GRB10: variants seen among roughly 807,000 people sequenced by gnomAD.
GRB10 encodes growth factor receptor-bound protein 10.
In GRB10, 20 loss-of-function variants were observed where a neutral mutation model predicts 80.9. The ratio of observed to expected loss-of-function variants is 0.25; its 90% CI spans 0.17 to 0.36. The LOEUF is 0.36. Among genes scored for constraint, GRB10 ranks in the 10% least tolerant of loss-of-function variants. GRB10 has a pLI of 1.00. For missense variants in GRB10, 548 were observed against 747.7 expected, an observed-to-expected ratio of 0.73 and a Z score of 3.12; for synonymous variants, 291 against 291.5, an observed-to-expected ratio of 1.00 and a Z score of 0.02.
intron 2 of GRB10, among the ~76,000 whole-genome samples, chr7:50,760,624 CT>C (rs1200527166): frequency 1.3e-5 from 2 of 152,044 alleles, no homozygotes; most frequent in Non-Finnish European, 2.9e-5. Context: ...AAAATGCACC[CT>C]AAAGCAAAAG....
intron 7 of GRB10, chr7:50,645,582 G>A: frequency 4.1e-6 from 4 of 983,812 alleles, no homozygotes; most frequent in Non-Finnish European, 3.6e-6. Flanking sequence ...ACCTGAAACT[G>A]ACTGTGCACA....
At chr7:50,616,408 T>A in intron 10 of GRB10, 61 bp from the exon 11 acceptor site, 3 of 1,476,958 alleles carry the variant, frequency 2.0e-6, no homozygotes, top group Non-Finnish European at 2.8e-6. Flanking sequence ...AAAGCAGACA[T>A]GTTATCAGCA....
chr7:50,729,108 G>A (rs1238090299), intron 4 of GRB10, among the ~76,000 whole-genome samples: 1 of 152,216 alleles, frequency 6.6e-6, no homozygotes, highest in East Asian at 1.9e-4. Context: ...TCCTGGGGCT[G>A]GACAGCGTGT....
chr7:50,695,005 G>C (rs1017734358), intron 5 of GRB10, among the ~76,000 whole-genome samples: 7 of 152,042 alleles, frequency 4.6e-5, no homozygotes, highest in Non-Finnish European at 1.0e-4. Flanking sequence ...CCCAGATCCT[G>C]AGAGCTTTAG....
At chr7:50,624,092 T>A (rs1034534710) in intron 8 of GRB10, among the ~76,000 whole-genome samples, 2 of 152,190 alleles carry the variant, frequency 1.3e-5, no homozygotes, top group Admixed American at 1.3e-4. Context: ...ATACCCTCAA[T>A]TATGGGGGGG....
At chr7:50,715,033 A>G (rs2066626266) in intron 4 of GRB10, among the ~76,000 whole-genome samples, 2 of 142,412 alleles carry the variant, frequency 1.4e-5, no homozygotes, top group Non-Finnish European at 2.9e-5. Flanking sequence ...AAAAGGCCCC[A>G]GGGTTTGATA....
At chr7:50,716,100 A>C (rs1378967444) in intron 4 of GRB10, among the ~76,000 whole-genome samples, 1 of 152,238 alleles carries the variant, frequency 6.6e-6, no homozygotes, top group Non-Finnish European at 1.5e-5. Context: ...TGACGCATGC[A>C]TGTAAGGAAA....
chr7:50,758,367 C>A (rs1185723035), intron 2 of GRB10, among the ~76,000 whole-genome samples: 1 of 152,136 alleles, frequency 6.6e-6, no homozygotes, highest in Non-Finnish European at 1.5e-5. Context: ...CAGTTAGATA[C>A]GACTTAAACT....
At chr7:50,733,578 C>G (rs2070273723) in intron 3 of GRB10, among the ~76,000 whole-genome samples, 1 of 152,220 alleles carries the variant, frequency 6.6e-6, no homozygotes, top group Non-Finnish European at 1.5e-5. Context: ...AGTGGAAGTA[C>G]TGGCACAATG....
At chr7:50,671,495 T>C (rs927404293) in intron 6 of GRB10, among the ~76,000 whole-genome samples, 5 of 152,232 alleles carry the variant, frequency 3.3e-5, no homozygotes, top group Non-Finnish European at 7.3e-5. Flanking sequence ...TTACGAGAAC[T>C]CACATGGCAT....
At chr7:50,722,126 A>G (rs2153685600) in intron 4 of GRB10, among the ~76,000 whole-genome samples, 1 of 152,196 alleles carries the variant, frequency 6.6e-6, no homozygotes, top group South Asian at 2.1e-4. Flanking sequence ...AGGGTGTACC[A>G]CGGGCCCAGT....
chr7:50,738,334 G>A (rs2071158583), intron 3 of GRB10, among the ~76,000 whole-genome samples: 1 of 152,192 alleles, frequency 6.6e-6, no homozygotes, highest in African/African-American at 2.4e-5. Context: ...CTATACCCAT[G>A]TTCATAGCAG....
chr7:50,720,687 G>C (rs954798714), intron 4 of GRB10, among the ~76,000 whole-genome samples: 1 of 151,346 alleles, frequency 6.6e-6, no homozygotes, highest in Non-Finnish European at 1.5e-5. Flanking sequence ...ACTTCAATCA[G>C]AAAGTAAGTA....
At chr7:50,651,830 A>G (rs972557729) in intron 7 of GRB10, among the ~76,000 whole-genome samples, 14 of 152,246 alleles carry the variant, frequency 9.2e-5, no homozygotes, top group African/African-American at 3.4e-4. Flanking sequence ...CAGTAGCTTT[A>G]TAACATCAAA....
At chr7:50,702,763 G>A (rs537104099) in intron 5 of GRB10, among the ~76,000 whole-genome samples, 2 of 152,180 alleles carry the variant, frequency 1.3e-5, no homozygotes, top group African/African-American at 4.8e-5. Flanking sequence ...GAACTACTTT[G>A]GTATCTGTAG....
intron 3 of GRB10, among the ~76,000 whole-genome samples, chr7:50,748,167 C>T (rs2073348923): frequency 6.6e-6 from 1 of 152,198 alleles, no homozygotes; most frequent in Non-Finnish European, 1.5e-5. Context: ...ACTCACCCCC[C>T]GCCCCATCTT....
chr7:50,674,794 A>C, intron 5 of GRB10, 136 bp from the exon 6 acceptor site: 1 of 735,652 alleles, frequency 1.4e-6, no homozygotes, highest in Non-Finnish European at 2.4e-6. Context: ...GAGGGGAAAC[A>C]CCAAGACAAG....
intron 5 of GRB10, among the ~76,000 whole-genome samples, chr7:50,682,562 G>A (rs1443889300): frequency 6.6e-6 from 1 of 152,130 alleles, no homozygotes; most frequent in Non-Finnish European, 1.5e-5. Flanking sequence ...TATCTTTCAG[G>A]CCTTTAGTAT....
At chr7:50,655,734 A>G in intron 7 of GRB10, among the ~76,000 whole-genome samples, 1 of 152,128 alleles carries the variant, frequency 6.6e-6, no homozygotes, top group Middle Eastern at 3.4e-3. Context: ...CTGGAGACCA[A>G]TCTCTTCCTG....
Sources: gnomAD v4.1 joint callset for allele counts (sites outside exome capture counted in the v4.1 genomes callset) on GRCh38, gnomAD v4.1.1 for gene constraint, MANE v1.5 for transcripts, NCBI Gene and HGNC (gene_info 2026-07-23, HGNC 2026-07-21) for gene names.